The following ARHGAP12 variants were observed in gnomAD, a reference collection of about 807,000 sequenced individuals.
The protein encoded by ARHGAP12 is rho GTPase-activating protein 12.
A neutral mutation model predicts 108.6 loss-of-function variants in ARHGAP12; 64 were observed. The observed-to-expected ratio is 0.59, with a 90% CI of 0.48 to 0.73. ARHGAP12 has a LOEUF of 0.73. ARHGAP12 is among the 30% of genes least tolerant of loss of function. The pLI is 0.00. For missense variants in ARHGAP12, 940 were observed against 1,005.9 expected (o/e 0.93, Z 0.89); for synonymous variants, 312 against 337.2 (o/e 0.93, Z 0.82).
chr10:31,923,967 A>T lies in ARHGAP12; in HGVS notation c.-111+4716T>A, dbSNP rs189043714. Among the ~76,000 whole-genome samples the T allele has an allele frequency of 3.2e-3, 487 of 152,242 alleles. 2 individuals carry two copies. The highest frequency in any genetic ancestry group is 0.024 in the South Asian group (116 of 4,818). On this transcript the variant is annotated intron_variant, in intron 1 of 19. Transcript: ENST00000344936. ...TTATACCTCAAAACTGTATTTTTTT[A>T]AAAAAACTGTTAAAACCCTAATGAT...
At position 31,806,654 on chromosome 10, in the gene ARHGAP12, A is replaced by G. The variant is rs1834833340; in HGVS notation, c.*1004T>C. ...TAGCAAGTCTATTCAGTATTTTTCC[A>G]GTACCATTCTCATTACAGTGATTTG... On this transcript the variant is annotated 3_prime_UTR_variant, in exon 20 of 20. Transcript: ENST00000344936. 1 of 152,644 alleles carries G rather than the reference A, an allele frequency of 6.6e-6. No individual in the cohort carries two copies. Among genetic ancestry groups the G allele is most frequent in the South Asian group, 2.1e-4 (1 of 4,834 alleles). The allele number at this position is 152,644 out of a possible 1,614,324, so 9.5% of individuals were successfully genotyped here.
chr10:31,893,285 C>A (rs577811596), intron 3 of ARHGAP12, among the ~76,000 whole-genome samples: 32 of 152,184 alleles, frequency 2.1e-4, no homozygotes, highest in Admixed American at 7.9e-4. Context: ...ACACAAAAAA[C>A]CCTTCAAAAA....
chr10:31,817,987 A>G, intron 12 of ARHGAP12, 101 bp from the exon 13 acceptor site: 1 of 793,560 alleles, frequency 1.3e-6, no homozygotes, highest in South Asian at 1.5e-5. Context: ...CACCAAGAGT[A>G]GCTGCCATAT....
chr10:31,833,918 A>T (rs1450464068), intron 9 of ARHGAP12, among the ~76,000 whole-genome samples: 1 of 152,204 alleles, frequency 6.6e-6, no homozygotes, highest in Non-Finnish European at 1.5e-5. Flanking sequence ...TAGCAGAAAG[A>T]ATGCACTAAG....
chr10:31,923,800 A>G (rs1839918834), intron 1 of ARHGAP12, among the ~76,000 whole-genome samples: 1 of 152,222 alleles, frequency 6.6e-6, no homozygotes, highest in Admixed American at 6.5e-5. Flanking sequence ...GGAATGAATC[A>G]CATAGGAGCT....
chr10:31,899,826 A>G (rs942911160), intron 3 of ARHGAP12, among the ~76,000 whole-genome samples: 7 of 152,202 alleles, frequency 4.6e-5, no homozygotes, highest in African/African-American at 1.7e-4. Context: ...GAGTTTTTAG[A>G]TACAACAGTA....
intron 3 of ARHGAP12, among the ~76,000 whole-genome samples, chr10:31,884,834 TAA>T (rs777804219): frequency 2.0e-5 from 3 of 152,352 alleles, no homozygotes; most frequent in East Asian, 3.9e-4. Flanking sequence ...ACAACAAATC[TAA>T]GTTTTCAAAA....
At chr10:31,897,357 C>A (rs374370155) in intron 3 of ARHGAP12, among the ~76,000 whole-genome samples, 1 of 152,018 alleles carries the variant, frequency 6.6e-6, no homozygotes, top group Non-Finnish European at 1.5e-5. Flanking sequence ...CAGCTCATGA[C>A]GCACACACAC....
intron 12 of ARHGAP12, among the ~76,000 whole-genome samples, chr10:31,818,328 G>T (rs980501610): frequency 2.0e-5 from 3 of 152,092 alleles, no homozygotes; most frequent in Non-Finnish European, 4.4e-5. Context: ...AATACATAAA[G>T]ACTTTCAATA....
chr10:31,837,328 T>C (rs935180069), intron 9 of ARHGAP12, among the ~76,000 whole-genome samples: 1 of 152,228 alleles, frequency 6.6e-6, no homozygotes, highest in Non-Finnish European at 1.5e-5. Context: ...TGTTCACTTT[T>C]ATCGTTATGT....
At chr10:31,884,027 A>G (rs1838094266) in intron 3 of ARHGAP12, among the ~76,000 whole-genome samples, 1 of 151,646 alleles carries the variant, frequency 6.6e-6, no homozygotes, top group South Asian at 2.1e-4. Flanking sequence ...AACTTTTTGT[A>G]AGCCAAAAAA....
Position 31,908,173 on chromosome 10 carries a change from C to A in ARHGAP12, c.683G>T (p.Arg228Met), listed in dbSNP as rs760040890. 1 of 1,581,478 alleles carries A rather than the reference C, an allele frequency of 6.3e-7. No individual in the cohort carries two copies. Among genetic ancestry groups the A allele is most frequent in the Non-Finnish European group, 8.6e-7 (1 of 1,166,354 alleles). The change falls in exon 3 of 20, where the codon AGG (arginine) becomes ATG (methionine). Residue 228 changes from arginine (R) to methionine (M), a missense_variant and splice_region_variant. Physicochemically the swap from Arg to Met is moderately conservative, Grantham distance 91. Coordinates refer to ENST00000344936, the MANE Select transcript of ARHGAP12 (RefSeq NM_018287.7). ...TCCTCATTCTATTTTTAATCTTACC[C>A]TTATCTGTTCAGTGGAGCTGCTGCT... ...ELSSSSTEQI[R>M]ATTPPNQGRP...
chr10:31,908,807 T>C lies in ARHGAP12; in HGVS notation c.49A>G (p.Ile17Val), dbSNP rs1179290734. The C allele has an allele frequency of 6.2e-7, 1 of 1,606,810 alleles. No homozygotes were observed. The highest frequency in any genetic ancestry group is 1.3e-5 in the African/African-American group (1 of 75,036). ...SGKIIPGQVY[I>V]EVEYDYEYEA... ...TATTCATAATCATATTCCACCTCAA[T>C]ATACACTTGTCCTGGAATAATCTTC... Residue 17 changes from isoleucine to valine, a missense_variant, in exon 3 of 20, where the codon ATT (isoleucine) becomes GTT (valine). By Grantham distance (29) the Ile-to-Val change is conservative (BLOSUM62 3). Coordinates refer to ENST00000344936, the MANE Select transcript of ARHGAP12 (RefSeq NM_018287.7).
intron 3 of ARHGAP12, among the ~76,000 whole-genome samples, chr10:31,879,807 G>C (rs992064322): frequency 2.0e-5 from 3 of 152,162 alleles, no homozygotes; most frequent in African/African-American, 7.2e-5. Context: ...TACACTAGTA[G>C]AATCCTATTG....
chr10:31,833,501 C>T (rs974649134), intron 9 of ARHGAP12, among the ~76,000 whole-genome samples: 15 of 152,148 alleles, frequency 9.9e-5, no homozygotes, highest in African/African-American at 3.6e-4. Flanking sequence ...TGGAACATAA[C>T]TGAGCATGTA....
chr10:31,820,393 T>C lies in ARHGAP12; in HGVS notation c.1626A>G (p.Val542=). The part of the protein sequence containing the change: ...ASKDKSSKKN[V]FELKTRQGTE... ...TTAGAAAAAAATGTATTACCTCAAA[T>C]ACATTCTTTTTGCTGGATTTATCCT... Residue 542 remains valine (V), a synonymous_variant, in exon 12 of 20, where the codon GTA becomes GTG. Coordinates refer to ENST00000344936, the MANE Select transcript of ARHGAP12 (RefSeq NM_018287.7). 2 of 1,608,758 alleles carry C rather than the reference T, an allele frequency of 1.2e-6. No individual in the cohort carries two copies. Among genetic ancestry groups the C allele is most frequent in the Non-Finnish European group, 1.7e-6 (2 of 1,177,560 alleles).
intron 3 of ARHGAP12, among the ~76,000 whole-genome samples, chr10:31,895,056 C>G (rs1838621829): frequency 6.6e-6 from 1 of 152,218 alleles, no homozygotes; most frequent in African/African-American, 2.4e-5. Flanking sequence ...ATGTAGAAAG[C>G]TGAAACTGGA....
intron 3 of ARHGAP12, among the ~76,000 whole-genome samples, chr10:31,890,353 C>G (rs1348606217): frequency 1.3e-5 from 2 of 152,290 alleles, no homozygotes; most frequent in East Asian, 3.9e-4. Context: ...ATGATTGGAA[C>G]TTCAAGCATA....
chr10:31,869,523 C>CG (rs1837460938), intron 3 of ARHGAP12, among the ~76,000 whole-genome samples: 1 of 150,318 alleles, frequency 6.7e-6, no homozygotes, highest in Non-Finnish European at 1.5e-5. Flanking sequence ...GGTAACAGAG[C>CG]GAGACTCTGT....
Sources: allele counts gnomAD v4.1 joint callset (sites outside exome capture counted in the v4.1 genomes callset), GRCh38; gene constraint gnomAD v4.1.1; transcripts MANE v1.5; gene names NCBI Gene and HGNC (gene_info 2026-07-23, HGNC 2026-07-21).